ATXN7: variants seen among roughly 807,000 people sequenced by gnomAD.
The protein encoded by ATXN7 is ataxin 7.
In ATXN7, 12 loss-of-function variants were observed where a neutral mutation model predicts 70.5. The ratio of observed to expected loss-of-function variants is 0.17; its 90% CI spans 0.11 to 0.28. ATXN7 has a LOEUF of 0.28. Among genes scored for constraint, ATXN7 ranks in the 10% least tolerant of loss-of-function variants. The pLI is 1.00. For synonymous variants in ATXN7, 498 were observed against 448.7 expected, an observed-to-expected ratio of 1.11 and a Z score of -1.39; for missense variants, 1,256 against 1,131.7, an observed-to-expected ratio of 1.11 and a Z score of -1.58.
chr3:63,977,121 A>C (rs985146676), intron 5 of ATXN7, among the ~76,000 whole-genome samples: 1 of 152,122 alleles, frequency 6.6e-6, no homozygotes, highest in Non-Finnish European at 1.5e-5. Flanking sequence ...GGGGTTGTGC[A>C]TTTTGTGTTT....
intron 1 of ATXN7, among the ~76,000 whole-genome samples, chr3:63,879,981 G>A (rs1019388811): frequency 7.9e-5 from 12 of 151,934 alleles, no homozygotes; most frequent in African/African-American, 2.9e-4. Flanking sequence ...TGCTACTCGG[G>A]AGGCTGAGGC....
chr3:63,892,374 C>CCACACACA (rs56293497), intron 1 of ATXN7, among the ~76,000 whole-genome samples: 126 of 133,476 alleles, frequency 9.4e-4, no homozygotes, highest in South Asian at 2.8e-3. Flanking sequence ...GACACCTCTA[C>CCACACACA]CACACACACA....
chr3:63,882,410 G>A lies in ATXN7; in HGVS notation c.-110-15989G>A, dbSNP rs866092059. 2.0e-5 allele frequency among the ~76,000 whole-genome samples: 3 copies of A among 147,420 alleles called. No individual in the cohort carries two copies. The South Asian group carries it at 6.4e-4, about 32-fold the overall frequency. Reference sequence around the variant, plus strand: ...CTTTTTTTTTTTTTTTTTTGGGTCGGAGTCTTCTCTGTCACCCAGGCTGGA... The same window carrying A: ...CTTTTTTTTTTTTTTTTTTGGGTCGAAGTCTTCTCTGTCACCCAGGCTGGA... On this transcript the variant is annotated intron_variant, in intron 1 of 12. Coordinates refer to ENST00000674280, the MANE Select transcript of ATXN7 (RefSeq NM_001377405.1).
intron 1 of ATXN7, among the ~76,000 whole-genome samples, chr3:63,875,641 T>C (rs1376404870): frequency 6.6e-6 from 1 of 152,208 alleles, no homozygotes; most frequent in African/African-American, 2.4e-5. Flanking sequence ...TTTATTTCTT[T>C]TCCCTGTAAT....
At chr3:63,890,274 T>C (rs886569235) in intron 1 of ATXN7, among the ~76,000 whole-genome samples, 18 of 152,334 alleles carry the variant, frequency 1.2e-4, no homozygotes, top group African/African-American at 4.1e-4. Flanking sequence ...AGAAATGGTT[T>C]AAAGAATATA....
chr3:63,958,183 T>C (rs941937326), intron 5 of ATXN7, among the ~76,000 whole-genome samples: 7 of 152,210 alleles, frequency 4.6e-5, no homozygotes, highest in Non-Finnish European at 1.0e-4. Context: ...TTACAAATCC[T>C]GTAAAATTAA....
intron 4 of ATXN7, among the ~76,000 whole-genome samples, chr3:63,940,164 A>C (rs547431501): frequency 6.6e-6 from 1 of 152,110 alleles, no homozygotes; most frequent in African/African-American, 2.4e-5. Flanking sequence ...GCGCATGCCC[A>C]GAAAGGACCT....
intron 2 of ATXN7, among the ~76,000 whole-genome samples, chr3:63,907,892 C>T (rs569873137): frequency 1.3e-5 from 2 of 152,146 alleles, no homozygotes; most frequent in South Asian, 4.1e-4. Context: ...TACTAATTAC[C>T]TTTTATATTA....
chr3:63,918,176 AAAACAAAC>A lies in ATXN7; in HGVS notation c.394+4971_394+4978del, dbSNP rs141763850. ...TAGCACCTGTAGGCAACTAGAGTTC[AAAACAAAC>A]AAACAAACAAACAAACAAAACAGGC... On this transcript the variant is annotated intron_variant, in intron 4 of 12. Coordinates refer to ENST00000674280, the MANE Select transcript of ATXN7 (RefSeq NM_001377405.1). 1.4e-4 allele frequency among the ~76,000 whole-genome samples: 21 copies of A among 152,104 alleles called. No homozygotes were observed. The South Asian group carries it at 2.5e-3, about 18-fold the overall frequency.
chr3:63,987,980 G>A, intron 8 of ATXN7, 79 bp from the exon 9 acceptor site: 1 of 1,524,012 alleles, frequency 6.6e-7, no homozygotes, highest in Non-Finnish European at 9.0e-7. Context: ...TTATTTATTG[G>A]GAGTGGTGTT....
At chr3:63,977,574 T>C (rs1253970892) in intron 5 of ATXN7, among the ~76,000 whole-genome samples, 1 of 152,190 alleles carries the variant, frequency 6.6e-6, no homozygotes, top group African/African-American at 2.4e-5. Context: ...AATAAGCTTA[T>C]TGAACTTACT....
intron 4 of ATXN7, among the ~76,000 whole-genome samples, chr3:63,935,516 A>C (rs1011840899): frequency 6.6e-6 from 1 of 152,190 alleles, no homozygotes; most frequent in Non-Finnish European, 1.5e-5. Context: ...ATTTCTGTGA[A>C]TATCTGGGCT....
chr3:63,996,014 T>C lies in ATXN7; in HGVS notation c.2192T>C (p.Met731Thr), dbSNP rs2075753277. The change falls in exon 12 of 13, where the codon ATG becomes ACG. Residue 731 changes from methionine to threonine, a missense_variant. Met to Thr is a moderately conservative substitution (Grantham distance 81). Transcript: ENST00000674280. ...SSSSSSSSHS[M>T]ESFRKNCVAH... ...TCCTCCTCCTCTTCTTCTCATTCCA[T>C]GGAGTCTTTTAGGAAAAACTGTGTG... 6.2e-7 allele frequency: 1 copy of C among 1,614,068 alleles called. No homozygotes were observed. The highest frequency in any genetic ancestry group is 8.5e-7 in the Non-Finnish European group (1 of 1,180,048).
At chr3:63,930,393 C>T (rs1008980728) in intron 4 of ATXN7, among the ~76,000 whole-genome samples, 1 of 152,156 alleles carries the variant, frequency 6.6e-6, no homozygotes, top group African/African-American at 2.4e-5. Context: ...AATAGGATCC[C>T]TTTGTGTGTA....
chr3:63,937,674 C>G (rs2074687350), intron 4 of ATXN7, among the ~76,000 whole-genome samples: 1 of 152,126 alleles, frequency 6.6e-6, no homozygotes, highest in African/African-American at 2.4e-5. Flanking sequence ...TAGTAGGACC[C>G]TTAGTAAATA....
At chr3:63,953,656 CTTT>C (rs1369697109) in intron 5 of ATXN7, among the ~76,000 whole-genome samples, 3 of 138,456 alleles carry the variant, frequency 2.2e-5, no homozygotes, top group South Asian at 2.3e-4. Context: ...TGAGATACTT[CTTT>C]TTTTTTTTTT....
intron 5 of ATXN7, among the ~76,000 whole-genome samples, chr3:63,974,188 C>G (rs953630464): frequency 2.0e-5 from 3 of 152,116 alleles, no homozygotes; most frequent in Admixed American, 6.5e-5. Context: ...GCTGACACAC[C>G]CATAGCTGAT....
chr3:63,886,036 C>T (rs1300776424), intron 1 of ATXN7, among the ~76,000 whole-genome samples: 2 of 151,996 alleles, frequency 1.3e-5, no homozygotes, highest in Non-Finnish European at 2.9e-5. Context: ...ATGTGATATC[C>T]AGTGTATATA....
chr3:63,883,136 C>T (rs1702968958), intron 1 of ATXN7, among the ~76,000 whole-genome samples: 1 of 152,170 alleles, frequency 6.6e-6, no homozygotes, highest in Admixed American at 6.5e-5. Context: ...AAAATGGAAA[C>T]AGGGCCCTTA....
Sources: allele counts gnomAD v4.1 joint callset (sites outside exome capture counted in the v4.1 genomes callset), GRCh38; gene constraint gnomAD v4.1.1; transcripts MANE v1.5; gene names NCBI Gene and HGNC (gene_info 2026-07-23, HGNC 2026-07-21).